Variants in CDH23 observed in about 807,000 individuals in gnomAD.
CDH23 encodes cadherin related 23, also known as cadherin-23.
Under a neutral mutation model 317.1 loss-of-function variants are expected in CDH23, and 189 were observed. The ratio of observed to expected loss-of-function variants is 0.60; its 90% CI spans 0.53 to 0.67. The LOEUF (loss-of-function observed/expected upper bound fraction) is 0.67. CDH23 is among the 30% of genes least tolerant of loss of function. CDH23 has a pLI of 0.00. For missense variants in CDH23, 4,401 were observed against 4,592.4 expected, an observed-to-expected ratio of 0.96 and a Z score of 1.20; for synonymous variants, 1,839 against 1,876.8, an observed-to-expected ratio of 0.98 and a Z score of 0.52.
intron 11 of CDH23, among the ~76,000 whole-genome samples, chr10:71,620,926 T>C (rs1178621229): frequency 6.6e-6 from 1 of 152,192 alleles, no homozygotes; most frequent in African/African-American, 2.4e-5. Context: ...TGTTCTTCTC[T>C]GGAGGAATCC....
At chr10:71,703,859 T>C (rs879632791) in intron 24 of CDH23, among the ~76,000 whole-genome samples, 3 of 152,224 alleles carry the variant, frequency 2.0e-5, no homozygotes, top group Non-Finnish European at 1.5e-5. Flanking sequence ...CCCTGTTCTC[T>C]GGGGGCTCAC....
At chr10:71,721,192 C>G (rs533162142) in intron 28 of CDH23, among the ~76,000 whole-genome samples, 2 of 152,228 alleles carry the variant, frequency 1.3e-5, no homozygotes, top group African/African-American at 4.8e-5. Flanking sequence ...CAACGTGGCT[C>G]TCTTCACCAT....
intron 11 of CDH23, among the ~76,000 whole-genome samples, chr10:71,637,424 G>A (rs760419685): frequency 3.2e-4 from 48 of 152,120 alleles, no homozygotes; most frequent in Admixed American, 1.5e-3. Flanking sequence ...CACTTATTCC[G>A]TCCCAGATGC....
At chr10:71,784,230 G>A (rs1841034736) in intron 41 of CDH23, 57 bp from the exon 42 acceptor site, 1 of 1,571,462 alleles carries the variant, frequency 6.4e-7, no homozygotes, top group African/African-American at 1.3e-5. Context: ...GAGTCCTGGG[G>A]TCTCCACAGT....
chr10:71,774,908 G>A (rs138439755), intron 38 of CDH23, among the ~76,000 whole-genome samples: 139 of 152,292 alleles, frequency 9.1e-4, no homozygotes, highest in African/African-American at 3.3e-3. Context: ...CAAGTCACGG[G>A]CTCTCTGGAG....
intron 8 of CDH23, among the ~76,000 whole-genome samples, chr10:71,573,572 A>G (rs540998197): frequency 6.6e-6 from 1 of 152,260 alleles, no homozygotes; most frequent in South Asian, 2.1e-4. Flanking sequence ...CGGTCTCCTG[A>G]TGCTCCATTT....
chr10:71,525,015 C>G (rs1854948758), intron 6 of CDH23, among the ~76,000 whole-genome samples: 1 of 152,218 alleles, frequency 6.6e-6, no homozygotes, highest in South Asian at 2.1e-4. Context: ...TCAAGTGATT[C>G]TGCTGCCTCA....
At chr10:71,646,702 C>T in intron 14 of CDH23, 85 bp downstream of exon 14, 1 of 1,613,114 alleles carries the variant, frequency 6.2e-7, no homozygotes, top group Non-Finnish European at 8.5e-7. Flanking sequence ...TCCAAGGGAC[C>T]TCAGCAATCA....
At chr10:71,777,270 A>G (rs1840835338) in intron 38 of CDH23, among the ~76,000 whole-genome samples, 1 of 152,222 alleles carries the variant, frequency 6.6e-6, no homozygotes, top group Non-Finnish European at 1.5e-5. Context: ...GTCTGGCAGG[A>G]CATATAGGCT....
chr10:71,466,871 GA>G (rs1387551259), intron 3 of CDH23, among the ~76,000 whole-genome samples: 3 of 151,704 alleles, frequency 2.0e-5, no homozygotes, highest in Non-Finnish European at 2.9e-5. Context: ...AAGACAGCAT[GA>G]GGGGTGTGTG....
chr10:71,680,968 A>G (rs1864619434), intron 17 of CDH23, among the ~76,000 whole-genome samples: 1 of 149,994 alleles, frequency 6.7e-6, no homozygotes, highest in Admixed American at 6.7e-5. Context: ...AGCTGGGATT[A>G]CAGTCGTGCC....
At chr10:71,701,073 C>G (rs984400532) in intron 22 of CDH23, among the ~76,000 whole-genome samples, 1 of 152,178 alleles carries the variant, frequency 6.6e-6, no homozygotes, top group Non-Finnish European at 1.5e-5. Flanking sequence ...CTTGTCCACC[C>G]CTGGTGCCAC....
chr10:71,413,907 C>G, intron 1 of CDH23, among the ~76,000 whole-genome samples: 1 of 152,054 alleles, frequency 6.6e-6, no homozygotes, highest in Non-Finnish European at 1.5e-5. Flanking sequence ...ATATTGTCTT[C>G]TTTTTGATGC....
At chr10:71,707,126 C>G in intron 26 of CDH23, 77 bp downstream of exon 26, 1 of 1,556,632 alleles carries the variant, frequency 6.4e-7, no homozygotes, top group South Asian at 1.2e-5. Context: ...GACAGCCAGA[C>G]TAGGTGGGGG....
intron 21 of CDH23, 60 bp downstream of exon 21, chr10:71,694,319 G>A (rs1865294425): frequency 7.5e-7 from 1 of 1,325,046 alleles, no homozygotes; most frequent in South Asian, 1.2e-5. Flanking sequence ...GCTGCTCCCT[G>A]CTTGTACCTC....
At chr10:71,445,187 G>T (rs557287071) in intron 2 of CDH23, among the ~76,000 whole-genome samples, 1 of 152,356 alleles carries the variant, frequency 6.6e-6, no homozygotes, top group African/African-American at 2.4e-5. Flanking sequence ...GTGAAAGCAA[G>T]GCATGTTACT....
At chr10:71,664,017 G>GA (rs1554852826) in intron 14 of CDH23, among the ~76,000 whole-genome samples, 1 of 148,214 alleles carries the variant, frequency 6.7e-6, no homozygotes, top group Non-Finnish European at 1.5e-5. Flanking sequence ...AAAAAAAAAG[G>GA]ATTACGGACT....
intron 7 of CDH23, 32 bp downstream of exon 7, chr10:71,566,968 C>T (rs780677065): frequency 1.3e-6 from 2 of 1,599,200 alleles, no homozygotes; most frequent in Non-Finnish European, 1.7e-6. Flanking sequence ...CCGGCCGTCC[C>T]AGCTGCCTCT....
intron 14 of CDH23, 84 bp from the exon 15 acceptor site, chr10:71,675,028 C>A (rs114469277): frequency 1.6e-6 from 2 of 1,241,002 alleles, no homozygotes; most frequent in African/African-American, 1.5e-5. Context: ...CCAAAGGAGA[C>A]GTGCGAGAGG....
Sources: allele counts gnomAD v4.1 joint callset (sites outside exome capture counted in the v4.1 genomes callset), GRCh38; gene constraint gnomAD v4.1.1; transcripts MANE v1.5; gene names NCBI Gene and HGNC (gene_info 2026-07-23, HGNC 2026-07-21).